The following TRAPPC6B variants were observed in gnomAD, a reference collection of about 807,000 sequenced individuals.
The protein encoded by TRAPPC6B is TRAPP complex subunit 6B.
Under a neutral mutation model 24.7 loss-of-function variants are expected in TRAPPC6B, and 27 were observed. The ratio of observed to expected loss-of-function variants is 1.09; its 90% CI spans 0.81 to 1.51. TRAPPC6B has a LOEUF of 1.51. TRAPPC6B is among the 40% of genes most tolerant of loss of function. The probability of loss-of-function intolerance (pLI) is 0.00; values close to 1 mark genes in which losing one functional copy is unlikely to be tolerated. For missense variants in TRAPPC6B, 212 were observed against 190.8 expected, an observed-to-expected ratio of 1.11 and a Z score of -0.66; for synonymous variants, 80 against 66.6, an observed-to-expected ratio of 1.20 and a Z score of -0.98.
chr14:39,154,392 A>C, intron 3 of TRAPPC6B, 98 bp from the exon 4 acceptor site: 1 of 784,450 alleles, frequency 1.3e-6, no homozygotes, highest in Middle Eastern at 3.2e-4. Context: ...TTTTAAAGTT[A>C]TTAAAAGTCT....
At chr14:39,162,963 C>G (rs1366199563) in intron 1 of TRAPPC6B, among the ~76,000 whole-genome samples, 1 of 145,360 alleles carries the variant, frequency 6.9e-6, no homozygotes, top group East Asian at 1.9e-4. Flanking sequence ...GTCACACAAC[C>G]AACTCCCTCA....
intron 1 of TRAPPC6B, among the ~76,000 whole-genome samples, chr14:39,166,530 T>C (rs569153921): frequency 9.2e-5 from 14 of 152,304 alleles, no homozygotes; most frequent in South Asian, 8.3e-4. Flanking sequence ...ATTTAGTTTA[T>C]AGTGTAAGCT....
At chr14:39,157,946 T>A (rs2053004824) in intron 3 of TRAPPC6B, 2 of 186,126 alleles carry the variant, frequency 1.1e-5, no homozygotes, top group African/African-American at 4.7e-5. Context: ...TCTAAAGACA[T>A]AAAGGTGATA....
chr14:39,167,055 T>TTATA (rs2053116183), intron 1 of TRAPPC6B, among the ~76,000 whole-genome samples: 1 of 152,228 alleles, frequency 6.6e-6, no homozygotes. Context: ...TACAATATGC[T>TTATA]TATATGCAGA....
intron 1 of TRAPPC6B, among the ~76,000 whole-genome samples, chr14:39,166,500 C>G (rs527555707): frequency 2.6e-5 from 4 of 152,194 alleles, no homozygotes; most frequent in Admixed American, 2.6e-4. Flanking sequence ...TGGATGCAGC[C>G]CAAGCTAACT....
At chr14:39,159,901 C>T (rs1033242002) in intron 1 of TRAPPC6B, among the ~76,000 whole-genome samples, 1 of 152,168 alleles carries the variant, frequency 6.6e-6, no homozygotes, top group African/African-American at 2.4e-5. Flanking sequence ...CGGCTCACTG[C>T]AACCTCCATC....
chr14:39,151,892 G>T (rs1352381058), intron 4 of TRAPPC6B, 53 bp from the exon 5 acceptor site: 17 of 1,222,534 alleles, frequency 1.4e-5, no homozygotes, highest in Middle Eastern at 2.0e-4. Context: ...AAATAGTAAA[G>T]CTATTGATAA....
In TRAPPC6B at chr14:39,170,071, G is replaced by A; in HGVS notation, c.25C>T (p.Leu9Phe). MADEALFL[L>F]LHNEMVSGVY... ...CCAGACACCATCTCGTTATGGAGAA[G>A]CAAAAACAACGCCTCATCCGCCATT... The change falls in exon 1 of 6, where the codon CTT becomes TTT. Residue 9 changes from leucine (L) to phenylalanine (F), a missense_variant. By Grantham distance (22) the Leu-to-Phe change is conservative. Coordinates refer to ENST00000330149, the MANE Select transcript of TRAPPC6B (RefSeq NM_001079537.2). The A allele has an allele frequency of 1.9e-6, 3 of 1,614,096 alleles. No individual in the cohort carries two copies. Among genetic ancestry groups the A allele is most frequent in the Non-Finnish European group, 2.5e-6 (3 of 1,179,984 alleles).
chr14:39,167,889 T>C (rs1004034955), intron 1 of TRAPPC6B, among the ~76,000 whole-genome samples: 8 of 151,920 alleles, frequency 5.3e-5, no homozygotes, highest in Non-Finnish European at 1.2e-4. Context: ...AAAGATATTT[T>C]AAAAAGAAGA....
intron 1 of TRAPPC6B, among the ~76,000 whole-genome samples, chr14:39,169,253 G>C (rs910891399): frequency 5.9e-5 from 9 of 152,198 alleles, no homozygotes; most frequent in South Asian, 2.1e-4. Context: ...CCTAAATACT[G>C]TGAGGCAGGA....
Position 39,170,148 on chromosome 14 carries a change from G to A in TRAPPC6B, c.-53C>T. ...TTTTGGCTCCCGTTTGAGCTGGTCT[G>A]GGGGTTCCAGCTCGCGCCTCAGCGA... On this transcript the variant is annotated 5_prime_UTR_variant, in exon 1 of 6. Coordinates refer to ENST00000330149, the MANE Select transcript of TRAPPC6B (RefSeq NM_001079537.2). The A allele has an allele frequency of 3.2e-6, 5 of 1,574,674 alleles. No homozygotes were observed. Among genetic ancestry groups the A allele is most frequent in the African/African-American group, 1.4e-5 (1 of 73,758 alleles).
chr14:39,168,512 T>C (rs1237010650), intron 1 of TRAPPC6B, among the ~76,000 whole-genome samples: 1 of 148,386 alleles, frequency 6.7e-6, no homozygotes, highest in Non-Finnish European at 1.5e-5. Flanking sequence ...ATCCTGCCTA[T>C]CCTTCTTGTG....
Position 39,169,929 on chromosome 14 carries a change from G to A in TRAPPC6B, c.81+86C>T, listed in dbSNP as rs1221298996. On this transcript the variant is annotated intron_variant, in intron 1 of 5. Transcript: ENST00000330149. ...TACACCTCGGGAGGCGTCGGGTGGC[G>A]ATGGGACAGGGGTTGAAGGAAAGCA... 5 of 1,387,564 alleles carry A rather than the reference G, an allele frequency of 3.6e-6. No individual in the cohort carries two copies. In the African/African-American group the frequency reaches 7.1e-5, roughly 20 times the overall value. The allele number at this position is 1,387,564 out of a possible 1,614,324, so 86.0% of individuals were successfully genotyped here.
At position 39,150,343 on chromosome 14, in the gene TRAPPC6B, G is replaced by GT; in HGVS notation, c.*6dup. ...TACACTGTTGAAGCCTTGCATTTCA[G>GT]TATGTTCTACAGCTTCTGTATCATC... On this transcript the variant is annotated 3_prime_UTR_variant, in exon 6 of 6. Coordinates refer to ENST00000330149, the MANE Select transcript of TRAPPC6B (RefSeq NM_001079537.2). The GT allele has an allele frequency of 6.3e-7, 1 of 1,580,452 alleles. No individual in the cohort carries two copies. The highest frequency in any genetic ancestry group is 8.5e-7 in the Non-Finnish European group (1 of 1,169,742).
At position 39,148,929 on chromosome 14, in the gene TRAPPC6B, G is replaced by A; in HGVS notation, c.*1421C>T. 2.5e-6 allele frequency: 1 copy of A among 393,698 alleles called. No individual in the cohort carries two copies. The highest frequency in any genetic ancestry group is 4.4e-5 in the Admixed American group (1 of 22,610). The allele number at this position is 393,698 out of a possible 1,614,324, so 24.4% of individuals were successfully genotyped here. On this transcript the variant is annotated 3_prime_UTR_variant, in exon 6 of 6. Coordinates refer to ENST00000330149, the MANE Select transcript of TRAPPC6B (RefSeq NM_001079537.2). ...CAAACCTGTACAGCATATTATTGTA[G>A]TGAATACTGTAGGACACTGTAACAC...
intron 1 of TRAPPC6B, among the ~76,000 whole-genome samples, chr14:39,169,762 G>C (rs941660043): frequency 2.0e-4 from 30 of 152,260 alleles, no homozygotes; most frequent in African/African-American, 6.7e-4. Flanking sequence ...AATCTGTGGC[G>C]TGCAAGACAA....
intron 3 of TRAPPC6B, chr14:39,157,638 A>G (rs1045765566): frequency 2.9e-6 from 1 of 348,864 alleles, no homozygotes; most frequent in Non-Finnish European, 5.6e-6. Flanking sequence ...TGGGATGTCT[A>G]ATCCACAAGA....
chr14:39,161,787 C>T (rs1482914980), intron 1 of TRAPPC6B, among the ~76,000 whole-genome samples: 7 of 152,114 alleles, frequency 4.6e-5, no homozygotes, highest in Non-Finnish European at 8.8e-5. Context: ...TGCTCTGAAA[C>T]CTAAAGTTGG....
rs139215203 is a variant in TRAPPC6B, at chr14:39,158,306, G to A, written c.246C>T (p.Asp82=). The change falls in exon 3 of 6, where the codon GAC becomes GAT. Residue 82 remains aspartate, a synonymous_variant. Transcript: ENST00000330149. ...FWTTVFKKQI[D]NLRTNHQGIY... is the part of the protein sequence containing the mutation. ...TTACCTGATGATTTGTCCTTAGATT[G>A]TCGATTTGTTTCTTGAATACCGTAG... 6.0e-5 allele frequency: 95 copies of A among 1,590,518 alleles called. No homozygotes were observed. The African/African-American group carries it at 9.0e-4, about 15-fold the overall frequency.
Sources: allele counts gnomAD v4.1 joint callset (sites outside exome capture counted in the v4.1 genomes callset), GRCh38; gene constraint gnomAD v4.1.1; transcripts MANE v1.5; gene names NCBI Gene and HGNC (gene_info 2026-07-23, HGNC 2026-07-21).